The following DLAT variants were observed in gnomAD, a reference collection of about 807,000 sequenced individuals.
DLAT encodes the protein dihydrolipoamide S-acetyltransferase, also known as dihydrolipoyllysine-residue acetyltransferase component of pyruvate dehydrogenase complex, mitochondrial.
DLAT carries 43 observed loss-of-function variants against 68.0 expected under a neutral mutation model. The observed-to-expected ratio is 0.63, with a 90% CI of 0.50 to 0.81. DLAT has a LOEUF of 0.81. Among genes scored for constraint, DLAT ranks in the 40% least tolerant of loss-of-function variants. The pLI, the probability that DLAT is intolerant of heterozygous loss-of-function variation, is 0.00. For synonymous variants in DLAT, 265 were observed against 288.6 expected (o/e 0.92, Z 0.83); for missense variants, 745 against 815.4 (o/e 0.91, Z 1.05).
chr11:112,061,286 C>A, intron 13 of DLAT, 112 bp downstream of exon 13: 1 of 1,108,410 alleles, frequency 9.0e-7, no homozygotes, highest in Non-Finnish European at 1.4e-6. Context: ...TATCGTGATC[C>A]ACAATGCTCA....
Position 112,045,980 on chromosome 11 carries a change from C to G in DLAT, c.1398+10C>G. 2 of 1,488,600 alleles carry G rather than the reference C, an allele frequency of 1.3e-6. No individual in the cohort carries two copies. Among genetic ancestry groups the G allele is most frequent in the Non-Finnish European group, 1.9e-6 (2 of 1,067,496 alleles). 92.2% of individuals were successfully genotyped at this position (1,488,600 alleles called of 1,614,324 possible). ...GAAAGAACTTAATAAGGTAAAAGTT[C>G]TGAAAATTCCAACTTTCTAAGTTAT... is the stretch of plus-strand genomic sequence containing the variant. On this transcript the variant is annotated intron_variant, in intron 10 of 13. Transcript: ENST00000280346.
chr11:112,063,910 T>C lies in DLAT; in HGVS notation c.*1375T>C, dbSNP rs144371275. 389 of 351,216 alleles carry C rather than the reference T, an allele frequency of 1.1e-3. 2 individuals carry two copies. In the Middle Eastern group the frequency reaches 0.012, roughly 10 times the overall value. The allele number at this position is 351,216 out of a possible 1,614,324, so 21.8% of individuals were successfully genotyped here. A position where few individuals can be genotyped will look rare whatever the true frequency, so the allele number is the denominator to read the frequency against. ...AATCTGACCAGTGCTTCCTGGTATA[T>C]GTAATATGTGGAGTTAGCCCCTGAA... is the stretch of plus-strand genomic sequence containing the variant. On this transcript the variant is annotated 3_prime_UTR_variant, in exon 14 of 14. Coordinates refer to ENST00000280346, the MANE Select transcript of DLAT (RefSeq NM_001931.5).
At chr11:112,050,971 C>T (rs587643568) in intron 10 of DLAT, among the ~76,000 whole-genome samples, 276 of 152,284 alleles carry the variant, frequency 1.8e-3, no homozygotes, top group Middle Eastern at 3.4e-3. Context: ...TCTTTCTCTT[C>T]CTCCTTTTCT....
At position 112,064,014 on chromosome 11, in the gene DLAT, T is replaced by G; in HGVS notation, c.*1479T>G. The G allele has an allele frequency of 1.5e-6, 1 of 655,432 alleles. No individual in the cohort carries two copies. The highest frequency in any genetic ancestry group is 2.5e-6 in the Non-Finnish European group (1 of 402,556). The allele number at this position is 655,432 out of a possible 1,614,324, so 40.6% of individuals were successfully genotyped here. On this transcript the variant is annotated 3_prime_UTR_variant, in exon 14 of 14. Transcript: ENST00000280346. ...TGGTACACAAGTGACACTCCATATA[T>G]TCCACACAGACTTTTACCTTGCTGT... is the stretch of plus-strand genomic sequence containing the variant.
chr11:112,027,474 C>T (rs1366930854), intron 2 of DLAT, among the ~76,000 whole-genome samples: 1 of 151,498 alleles, frequency 6.6e-6, no homozygotes, highest in South Asian at 2.1e-4. Flanking sequence ...CAGGCAGAGA[C>T]GCTCCTCACT....
At chr11:112,037,200 T>A in intron 5 of DLAT, 73 bp from the exon 6 acceptor site, 1 of 1,439,492 alleles carries the variant, frequency 6.9e-7, no homozygotes, top group Non-Finnish European at 9.7e-7. Flanking sequence ...TCACTTTACT[T>A]AAAACTGTGC....
In DLAT at chr11:112,062,593, T is replaced by A; in HGVS notation, c.*58T>A. ...ACACTGATTCATTCTTAACAAGATA[T>A]TTATATGTTATTAAACAGGTGGTTC... On this transcript the variant is annotated 3_prime_UTR_variant, in exon 14 of 14. Coordinates refer to ENST00000280346, the MANE Select transcript of DLAT (RefSeq NM_001931.5). 6.4e-7 allele frequency: 1 copy of A among 1,574,488 alleles called. No individual in the cohort carries two copies. Among genetic ancestry groups the A allele is most frequent in the Non-Finnish European group, 8.7e-7 (1 of 1,147,764 alleles).
intron 4 of DLAT, among the ~76,000 whole-genome samples, chr11:112,032,194 C>T (rs1172212277): frequency 1.3e-5 from 2 of 151,530 alleles, no homozygotes. Flanking sequence ...TGCCTGGCCT[C>T]CTGTTTTATT....
chr11:112,062,251 C>A (rs1252363630), intron 13 of DLAT, among the ~76,000 whole-genome samples, 155 bp from the exon 14 acceptor site: 1 of 152,096 alleles, frequency 6.6e-6, no homozygotes, highest in African/African-American at 2.4e-5. Context: ...TTTCTTCAAG[C>A]TATAAATTTG....
intron 10 of DLAT, among the ~76,000 whole-genome samples, chr11:112,046,635 G>A (rs1414503034): frequency 6.7e-6 from 1 of 149,700 alleles, no homozygotes; most frequent in African/African-American, 2.5e-5. Flanking sequence ...CCCCCCTACA[G>A]GTCCTGGTGT....
chr11:112,031,060 T>C (rs1592664479), intron 4 of DLAT, among the ~76,000 whole-genome samples: 1 of 152,360 alleles, frequency 6.6e-6, no homozygotes, highest in East Asian at 1.9e-4. Context: ...GAATCTCTGA[T>C]AGTATTCTTT....
At chr11:112,045,337 T>C in intron 9 of DLAT, 107 bp downstream of exon 9, 1 of 950,026 alleles carries the variant, frequency 1.1e-6, no homozygotes, top group Non-Finnish European at 1.7e-6. Flanking sequence ...AAGTTGGGAA[T>C]ATTGGATGAT....
intron 10 of DLAT, among the ~76,000 whole-genome samples, chr11:112,046,633 C>T (rs1002883883): frequency 1.3e-5 from 2 of 151,652 alleles, no homozygotes; most frequent in South Asian, 4.2e-4. Flanking sequence ...CACCCCCCTA[C>T]AGGTCCTGGT....
At chr11:112,043,115 G>T (rs1451093775) in intron 7 of DLAT, among the ~76,000 whole-genome samples, 1 of 152,090 alleles carries the variant, frequency 6.6e-6, no homozygotes, top group African/African-American at 2.4e-5. Context: ...AACTGTGCTC[G>T]GCATTATCCT....
At chr11:112,047,595 T>A (rs1863387770) in intron 10 of DLAT, among the ~76,000 whole-genome samples, 1 of 152,268 alleles carries the variant, frequency 6.6e-6, no homozygotes, top group South Asian at 2.1e-4. Context: ...TTTATGGTTT[T>A]AGGTCTTACG....
rs1864827080 is a variant in DLAT at position 112,064,392 on chromosome 11, A to T, written c.*1857A>T. 1.7e-6 allele frequency: 1 copy of T among 571,578 alleles called. No individual in the cohort carries two copies. Among genetic ancestry groups the T allele is most frequent in the Non-Finnish European group, 2.9e-6 (1 of 341,624 alleles). The allele number at this position is 571,578 out of a possible 1,614,324, so 35.4% of individuals were successfully genotyped here. On this transcript the variant is annotated 3_prime_UTR_variant, in exon 14 of 14. Transcript: ENST00000280346. ...AAAAATTAAAGTATAAATCTTCAATATGTCTGGTTTAATTTTTGGTCTGTT... is the reference window on the plus strand; with the variant it reads ...AAAAATTAAAGTATAAATCTTCAATTTGTCTGGTTTAATTTTTGGTCTGTT...
chr11:112,027,191 T>C (rs587645082), intron 2 of DLAT, among the ~76,000 whole-genome samples: 2 of 129,914 alleles, frequency 1.5e-5, no homozygotes, highest in African/African-American at 6.0e-5. Context: ...GACGGGGCGG[T>C]TGCCAGGCGG....
rs1325680563 is a variant in DLAT, at chr11:112,062,688, A to G, written c.*153A>G. The G allele has an allele frequency of 2.3e-6, 2 of 885,492 alleles. No individual in the cohort carries two copies. The highest frequency in any genetic ancestry group is 3.4e-5 in the African/African-American group (2 of 58,958). 54.9% of individuals were successfully genotyped at this position (885,492 alleles called of 1,614,324 possible). On this transcript the variant is annotated 3_prime_UTR_variant, in exon 14 of 14. Coordinates refer to ENST00000280346, the MANE Select transcript of DLAT (RefSeq NM_001931.5). Reference sequence around the variant, plus strand: ...AAGTTATTTATAATGGGCATTACTGAATTTTTAAAATGCCGATTACACCCA... The same window carrying G: ...AAGTTATTTATAATGGGCATTACTGGATTTTTAAAATGCCGATTACACCCA...
intron 11 of DLAT, among the ~76,000 whole-genome samples, chr11:112,053,038 A>G (rs1390592725): frequency 1.3e-5 from 2 of 152,148 alleles, no homozygotes; most frequent in African/African-American, 2.4e-5. Flanking sequence ...AATATTTATT[A>G]ATATTTTAGG....
Sources: allele counts gnomAD v4.1 joint callset (sites outside exome capture counted in the v4.1 genomes callset), GRCh38; gene constraint gnomAD v4.1.1; transcripts MANE v1.5; gene names NCBI Gene and HGNC (gene_info 2026-07-23, HGNC 2026-07-21).